The following ANKFY1 variants were observed in gnomAD, a reference collection of about 807,000 sequenced individuals.
ANKFY1 encodes the protein ankyrin repeat and FYVE domain-containing protein 1.
Under a neutral mutation model 128.3 loss-of-function variants are expected in ANKFY1, and 47 were observed. The observed-to-expected ratio is 0.37, with a 90% CI of 0.29 to 0.47. ANKFY1 has a LOEUF of 0.47. ANKFY1 is among the 20% of genes least tolerant of loss of function. The pLI, the probability that ANKFY1 is intolerant of heterozygous loss-of-function variation, is 1.00. For missense variants in ANKFY1, 1,222 were observed against 1,510.6 expected (o/e 0.81, Z 3.17); for synonymous variants, 553 against 601.6 (o/e 0.92, Z 1.18).
intron 1 of ANKFY1, among the ~76,000 whole-genome samples, chr17:4,244,484 A>G (rs773368116): frequency 5.9e-5 from 9 of 152,070 alleles, no homozygotes; most frequent in South Asian, 2.1e-4. Flanking sequence ...AGCTTTATCA[A>G]TCAAGGTCTC....
intron 7 of ANKFY1, among the ~76,000 whole-genome samples, chr17:4,203,407 T>C (rs935150147): frequency 1.5e-4 from 23 of 152,254 alleles, no homozygotes; most frequent in Non-Finnish European, 2.2e-4. Context: ...AGCTTCTTGA[T>C]GGTTTTATTC....
intron 3 of ANKFY1, chr17:4,222,493 AAC>A: frequency 1.1e-6 from 1 of 899,388 alleles, no homozygotes; most frequent in Non-Finnish European, 1.9e-6. Context: ...GCCCCAGGGC[AAC>A]ATTTCTGTTC....
intron 2 of ANKFY1, among the ~76,000 whole-genome samples, chr17:4,240,380 A>C (rs1287132138): frequency 6.9e-6 from 1 of 144,598 alleles, no homozygotes; most frequent in Non-Finnish European, 1.5e-5. Flanking sequence ...TAGCATGTTA[A>C]TCTTTATTTA....
At position 4,173,410 on chromosome 17, in the gene ANKFY1, G is replaced by A; in HGVS notation, c.2958C>T (p.Asn986=). Residue 986 remains asparagine (N), a synonymous_variant, in exon 21 of 25, where the codon AAC becomes AAT. Transcript: ENST00000341657. ...ACTCTGTCAGGAGAACCCGGATGTT[G>A]TTGAGCCGGCCGTGCATGACAGCAA... is the stretch of plus-strand genomic sequence containing the variant. ...LHLAVMHGRL[N]NIRVLLTECT... 6.2e-7 allele frequency: 1 copy of A among 1,614,218 alleles called. No homozygotes were observed. Among genetic ancestry groups the A allele is most frequent in the Non-Finnish European group, 8.5e-7 (1 of 1,180,022 alleles).
intron 1 of ANKFY1, among the ~76,000 whole-genome samples, chr17:4,255,240 ATTCT>A (rs1968052198): frequency 2.1e-5 from 3 of 142,388 alleles, no homozygotes; most frequent in East Asian, 2.0e-4. Flanking sequence ...TCTTCATGTA[ATTCT>A]TTTTTTTTTT....
At chr17:4,192,102 T>C (rs577634687) in intron 10 of ANKFY1, among the ~76,000 whole-genome samples, 2 of 112,774 alleles carry the variant, frequency 1.8e-5, no homozygotes, top group African/African-American at 6.8e-5. Context: ...TACTCTAATC[T>C]GGAGATGCCT....
At chr17:4,208,246 C>T in intron 5 of ANKFY1, 164 bp from the exon 6 acceptor site, 1 of 554,076 alleles carries the variant, frequency 1.8e-6, no homozygotes, top group East Asian at 3.3e-5. Context: ...AGTACTTGAA[C>T]ATCCCCATTT....
At chr17:4,214,758 G>A (rs907277592) in intron 4 of ANKFY1, among the ~76,000 whole-genome samples, 2 of 151,824 alleles carry the variant, frequency 1.3e-5, no homozygotes, top group African/African-American at 4.8e-5. Context: ...ATAACATCAA[G>A]CATATATTTA....
At chr17:4,170,441 G>T (rs961221758) in intron 23 of ANKFY1, among the ~76,000 whole-genome samples, 1 of 152,184 alleles carries the variant, frequency 6.6e-6, no homozygotes, top group Non-Finnish European at 1.5e-5. Flanking sequence ...CACACAGGAA[G>T]GGTGGCCTGC....
intron 16 of ANKFY1, chr17:4,180,131 T>G (rs1007568070): frequency 4.1e-6 from 2 of 493,022 alleles, no homozygotes; most frequent in South Asian, 5.3e-5. Context: ...TGCATACATT[T>G]AAAGCCTGAG....
chr17:4,263,685 TGCCAGCC>T, intron 1 of ANKFY1: 1 of 1,526,098 alleles, frequency 6.6e-7, no homozygotes, highest in Non-Finnish European at 8.8e-7. Flanking sequence ...GCGCGGGACC[TGCCAGCC>T]CGGCTCCGCA....
chr17:4,188,106 G>T (rs879318350), intron 11 of ANKFY1: 1 of 152,406 alleles, frequency 6.6e-6, no homozygotes, highest in African/African-American at 2.4e-5. Flanking sequence ...GAAGGTGAGA[G>T]GGCACGAGAT....
intron 1 of ANKFY1, among the ~76,000 whole-genome samples, chr17:4,261,096 A>G (rs973377665): frequency 1.3e-5 from 2 of 152,244 alleles, no homozygotes. Flanking sequence ...CAGATTAATA[A>G]GCTAAATGAC....
chr17:4,221,461 C>G (rs1341459745), intron 3 of ANKFY1, among the ~76,000 whole-genome samples: 3 of 152,214 alleles, frequency 2.0e-5, no homozygotes, highest in Non-Finnish European at 4.4e-5. Context: ...ATTCTCCTGC[C>G]TTGGCCTCCC....
chr17:4,242,385 T>C lies in ANKFY1; in HGVS notation c.74A>G (p.Lys25Arg). 3 of 1,604,280 alleles carry C rather than the reference T, an allele frequency of 1.9e-6. No homozygotes were observed. Among genetic ancestry groups the C allele is most frequent in the Non-Finnish European group, 2.6e-6 (3 of 1,176,070 alleles). ...GCGCTTCTCTGTCTCCGCCAGCTTC[T>C]TCTGCAGCTTGACATACTCCTGCCG... ...LLRQEYVKLQKKLAETEKRCA... is the reference protein window; with the variant it reads ...LLRQEYVKLQRKLAETEKRCA... Residue 25 changes from lysine (K) to arginine (R), a missense_variant, in exon 2 of 25, where the codon AAG becomes AGG. Transcript: ENST00000341657.
At position 4,222,934 on chromosome 17, in the gene ANKFY1, G is replaced by A. The variant is rs569252772; in HGVS notation, c.323-5816C>T. The A allele has an allele frequency of 1.3e-5, 16 of 1,254,164 alleles. 1 individual carries two copies. The highest frequency in any genetic ancestry group is 1.9e-4 in the Middle Eastern group (1 of 5,272). 77.7% of individuals were successfully genotyped at this position (1,254,164 alleles called of 1,614,324 possible). A position where few individuals can be genotyped will look rare whatever the true frequency, so the allele number is the denominator to read the frequency against. On this transcript the variant is annotated intron_variant, in intron 3 of 24. Transcript: ENST00000341657. The stretch of plus-strand genomic sequence containing the variant: ...AGCTCCTCAGGTTATCCTACCTTGC[G>A]GATAGAGAAGAACGACTTGAGAAGT...
intron 3 of ANKFY1, among the ~76,000 whole-genome samples, chr17:4,233,407 G>A (rs1277059754): frequency 6.6e-6 from 1 of 151,620 alleles, no homozygotes; most frequent in Non-Finnish European, 1.5e-5. Context: ...TCGATCACGT[G>A]GACTGGTACC....
chr17:4,246,894 T>C (rs1396694191), intron 1 of ANKFY1, among the ~76,000 whole-genome samples: 1 of 152,098 alleles, frequency 6.6e-6, no homozygotes, highest in African/African-American at 2.4e-5. Flanking sequence ...GGAGGATCTC[T>C]AAAGCCCATG....
At chr17:4,175,162 A>G (rs8077725) in intron 19 of ANKFY1, among the ~76,000 whole-genome samples, 142,459 of 151,404 alleles carry the variant, frequency 0.94, 67,656 homozygotes, top group East Asian at 1. Context: ...GCAAAACCTC[A>G]TCTCTACAAA....
Sources: allele counts gnomAD v4.1 joint callset (sites outside exome capture counted in the v4.1 genomes callset), GRCh38; gene constraint gnomAD v4.1.1; transcripts MANE v1.5; gene names NCBI Gene and HGNC (gene_info 2026-07-23, HGNC 2026-07-21).